The following ZNF248 variants were observed in gnomAD, a reference collection of about 807,000 sequenced individuals.
ZNF248 encodes the protein zinc finger protein 248.
In ZNF248, 20 loss-of-function variants were observed where a neutral mutation model predicts 44.3. That is an observed-to-expected ratio of 0.45 (90% confidence interval 0.32 to 0.66). ZNF248 has a LOEUF of 0.66. Ranked by LOEUF, ZNF248 falls within the 30% of genes least tolerant of loss-of-function variation. The probability of loss-of-function intolerance (pLI) is 0.04; values close to 1 mark genes in which losing one functional copy is unlikely to be tolerated. For synonymous variants in ZNF248, 224 were observed against 229.0 expected (o/e 0.98, Z 0.20); for missense variants, 654 against 677.0 (o/e 0.97, Z 0.38).
At chr10:37,765,016 A>G in the ZNF248 span, among the ~76,000 whole-genome samples, 7 of 151,666 alleles carry the variant, frequency 4.6e-5, no homozygotes, top group Non-Finnish European at 1.0e-4. Flanking sequence ...GCTGGAATGC[A>G]GTGATGCAAT....
chr10:37,827,235 T>C (rs752015551), downstream of ZNF248, among the ~76,000 whole-genome samples: 3 of 152,184 alleles, frequency 2.0e-5, no homozygotes, highest in South Asian at 6.2e-4. Flanking sequence ...TTGAAGAAAT[T>C]CTGAACTCTT....
downstream of ZNF248, among the ~76,000 whole-genome samples, chr10:37,775,825 T>C (rs982619071): frequency 1.3e-5 from 2 of 151,960 alleles, no homozygotes; most frequent in African/African-American, 4.8e-5. Flanking sequence ...ATGGTGGGAG[T>C]GCTTTGGGGA....
At chr10:37,855,785 G>T (rs2061183288) in intron 3 of ZNF248, among the ~76,000 whole-genome samples, 2 of 152,236 alleles carry the variant, frequency 1.3e-5, no homozygotes, top group Non-Finnish European at 2.9e-5. Flanking sequence ...TCATCAGATT[G>T]AAACATAAAT....
In ZNF248 at chr10:37,795,391, A is replaced by G. The variant is rs565463198; in HGVS notation, c.331-18816T>C. The stretch of plus-strand genomic sequence containing the variant: ...CAGGATTGCCATGTTCATTGCTTTC[A>G]TGCGCTTACTTTCTATTTCAGTTCT... On this transcript the variant is annotated intron_variant, in intron 6 of 6. Transcript: ENST00000615949. 3.7e-4 allele frequency: 57 copies of G among 152,258 alleles called. 1 individual carries two copies. The highest frequency in any genetic ancestry group is 1.3e-3 in the African/African-American group (55 of 41,568). 9.4% of individuals were successfully genotyped at this position (152,258 alleles called of 1,614,324 possible). A position where few individuals can be genotyped will look rare whatever the true frequency, so the allele number is the denominator to read the frequency against.
At chr10:37,821,665 G>A (rs979791247) in intron 6 of ZNF248, among the ~76,000 whole-genome samples, 4 of 152,154 alleles carry the variant, frequency 2.6e-5, no homozygotes, top group African/African-American at 9.7e-5. Flanking sequence ...CCACTGCTCA[G>A]TCCCAGTCCC....
chr10:37,814,770 TTGTA>T (rs1193913562), intron 6 of ZNF248, among the ~76,000 whole-genome samples: 6 of 152,218 alleles, frequency 3.9e-5, no homozygotes, highest in Admixed American at 6.5e-5. Context: ...TGAGAATGGC[TTGTA>T]TGTATGTATG....
Position 37,829,552 on chromosome 10 carries a change from A to C in ZNF248, c.*2063T>G. 1 of 985,398 alleles carries C rather than the reference A, an allele frequency of 1.0e-6. No homozygotes were observed. Among genetic ancestry groups the C allele is most frequent in the Non-Finnish European group, 1.2e-6 (1 of 829,930 alleles). The allele number at this position is 985,398 out of a possible 1,614,324, so 61.0% of individuals were successfully genotyped here. A position where few individuals can be genotyped will look rare whatever the true frequency, so the allele number is the denominator to read the frequency against. The stretch of plus-strand genomic sequence containing the variant: ...CAGCTCTAAGTATCAGACAGCCCTA[A>C]GACCAAATAAAAAACAGTTATTGAG... On this transcript the variant is annotated 3_prime_UTR_variant, in exon 6 of 6. Transcript: ENST00000395867.
chr10:37,803,979 A>G (rs994261579), intron 6 of ZNF248: 4 of 152,678 alleles, frequency 2.6e-5, no homozygotes, highest in African/African-American at 7.2e-5. Context: ...GACATGGTGG[A>G]TAATTAAAAA....
intron 6 of ZNF248, among the ~76,000 whole-genome samples, chr10:37,800,066 AAAAG>A (rs1475534899): frequency 6.6e-6 from 1 of 152,142 alleles, no homozygotes; most frequent in East Asian, 1.9e-4. Context: ...ATAAAAAAAG[AAAAG>A]AAAGAAAAAA....
chr10:37,808,192 G>A (rs2050882437), intron 6 of ZNF248, among the ~76,000 whole-genome samples: 1 of 151,078 alleles, frequency 6.6e-6, no homozygotes, highest in African/African-American at 2.4e-5. Context: ...TTGTATTACA[G>A]AAATAAACAG....
chr10:37,772,127 T>C (rs2132729742), downstream of ZNF248, among the ~76,000 whole-genome samples: 1 of 152,220 alleles, frequency 6.6e-6, no homozygotes, highest in Non-Finnish European at 1.5e-5. Context: ...CAGCCAGGCG[T>C]GGTGGCATGC....
downstream of ZNF248, among the ~76,000 whole-genome samples, chr10:37,775,006 A>G (rs544427519): frequency 1.3e-5 from 2 of 152,024 alleles, no homozygotes; most frequent in East Asian, 3.9e-4. Flanking sequence ...TTGATCTCAA[A>G]TGATCCATCC....
At chr10:37,852,065 T>C (rs2060354951) in intron 3 of ZNF248, among the ~76,000 whole-genome samples, 1 of 151,898 alleles carries the variant, frequency 6.6e-6, no homozygotes, top group South Asian at 2.1e-4. Flanking sequence ...CTGACCAACA[T>C]GGAGAAACCC....
chr10:37,817,022 G>A (rs1436352432), intron 6 of ZNF248, among the ~76,000 whole-genome samples: 1 of 152,056 alleles, frequency 6.6e-6, no homozygotes, highest in Non-Finnish European at 1.5e-5. Context: ...AAGGGAGTCC[G>A]GGATTTCTCC....
At chr10:37,790,656 G>C (rs1050471203) in intron 6 of ZNF248, among the ~76,000 whole-genome samples, 1 of 151,918 alleles carries the variant, frequency 6.6e-6, no homozygotes, top group African/African-American at 2.4e-5. Flanking sequence ...GTTGCAGTGA[G>C]CCGAGATGGC....
downstream of ZNF248, among the ~76,000 whole-genome samples, chr10:37,772,962 C>A (rs2046321227): frequency 1.3e-5 from 2 of 151,936 alleles, 1 homozygote; most frequent in South Asian, 4.2e-4. Flanking sequence ...ACATATGTAC[C>A]AATATGAACT....
chr10:37,780,070 T>C lies in ZNF248; in HGVS notation c.331-3495A>G, dbSNP rs1407806093. On this transcript the variant is annotated intron_variant, in intron 6 of 6. Transcript: ENST00000615949. ...GCTCATGGGTAGGAAGAATCAATAT[T>C]GTGAAAATGGCCATACTGCCCAAGG... Among the ~76,000 whole-genome samples the C allele has an allele frequency of 1.5e-4, 22 of 149,968 alleles. No homozygotes were observed. The East Asian group carries it at 2.1e-3, about 15-fold the overall frequency.
In ZNF248 at chr10:37,830,535, GC is replaced by G; in HGVS notation, c.*1079del. 1 of 985,376 alleles carries G rather than the reference GC, an allele frequency of 1.0e-6. No homozygotes were observed. The highest frequency in any genetic ancestry group is 1.2e-6 in the Non-Finnish European group (1 of 829,914). 61.0% of individuals were successfully genotyped at this position (985,376 alleles called of 1,614,324 possible). A position where few individuals can be genotyped will look rare whatever the true frequency, so the allele number is the denominator to read the frequency against. Reference sequence around the variant, plus strand: ...TGAAGACGTGGTTCAGCTGTAAATGGCCATAGCCATTTATTTATGTCAGGAA... The same window carrying G: ...TGAAGACGTGGTTCAGCTGTAAATGGCATAGCCATTTATTTATGTCAGGAA... On this transcript the variant is annotated 3_prime_UTR_variant, in exon 6 of 6. Coordinates refer to ENST00000395867, the MANE Select transcript of ZNF248 (RefSeq NM_021045.3).
chr10:37,759,317 G>C, the ZNF248 span, among the ~76,000 whole-genome samples: 1 of 152,186 alleles, frequency 6.6e-6, no homozygotes, highest in Non-Finnish European at 1.5e-5. Context: ...TGACTCTTCT[G>C]AGAGTATGAT....
Sources: allele counts gnomAD v4.1 joint callset (sites outside exome capture counted in the v4.1 genomes callset), GRCh38; gene constraint gnomAD v4.1.1; transcripts MANE v1.5; gene names NCBI Gene and HGNC (gene_info 2026-07-23, HGNC 2026-07-21).